MAST2: variants seen among roughly 807,000 people sequenced by gnomAD.
The protein encoded by MAST2 is microtubule-associated serine/threonine-protein kinase 2.
Under a neutral mutation model 147.4 loss-of-function variants are expected in MAST2, and 70 were observed. The observed-to-expected ratio is 0.47, with a 90% CI of 0.39 to 0.58. The LOEUF (loss-of-function observed/expected upper bound fraction) is 0.58, where lower values mean the gene tolerates loss of function less well. MAST2 is among the 20% of genes least tolerant of loss of function. The pLI is 0.00. For missense variants in MAST2, 2,080 were observed against 2,302.3 expected (o/e 0.90, Z 1.98); for synonymous variants, 869 against 896.8 (o/e 0.97, Z 0.55).
chr1:45,995,680 A>C lies in MAST2; in HGVS notation c.593-2044A>C, dbSNP rs76212823. On this transcript the variant is annotated intron_variant, in intron 5 of 28. Coordinates refer to ENST00000361297, the MANE Select transcript of MAST2 (RefSeq NM_015112.3). ...AAGTGATCGCCCTCCTCAGCCTCCC[A>C]AACTGGCATGACAGGCGTGAGCCAC... Among the ~76,000 whole-genome samples the C allele has an allele frequency of 6.7e-3, 1,014 of 152,224 alleles. 12 individuals carry two copies. The highest frequency in any genetic ancestry group is 0.024 in the African/African-American group (978 of 41,518).
chr1:45,828,280 C>A (rs532514723), intron 2 of MAST2, among the ~76,000 whole-genome samples: 1 of 152,232 alleles, frequency 6.6e-6, no homozygotes, highest in Non-Finnish European at 1.5e-5. Flanking sequence ...ATCTTTACTA[C>A]ATTGGGTATT....
At chr1:45,969,689 A>G (rs1053452553) in intron 5 of MAST2, among the ~76,000 whole-genome samples, 2 of 152,010 alleles carry the variant, frequency 1.3e-5, no homozygotes, top group African/African-American at 4.8e-5. Context: ...CAGGGCTCCC[A>G]CTGATTCTAT....
chr1:45,910,561 A>G (rs1327677700), intron 4 of MAST2, among the ~76,000 whole-genome samples: 1 of 152,252 alleles, frequency 6.6e-6, no homozygotes, highest in African/African-American at 2.4e-5. Flanking sequence ...TTAATTCTGC[A>G]AAATGTTCCT....
At chr1:45,981,166 T>C (rs1197306318) in intron 5 of MAST2, among the ~76,000 whole-genome samples, 1 of 151,640 alleles carries the variant, frequency 6.6e-6, no homozygotes, top group Non-Finnish European at 1.5e-5. Context: ...CTGCCTCCCA[T>C]GTTCAAATGA....
chr1:46,036,010 C>T lies in MAST2; in HGVS notation c.5341C>T (p.His1781Tyr). Residue 1781 changes from histidine (H) to tyrosine (Y), a missense_variant, in exon 29 of 29, where the codon CAT becomes TAT. This residue lies in a region of MAST2 where 1,278 missense variants were observed against 1,304.2 expected (regional missense o/e 0.98). Coordinates refer to ENST00000361297, the MANE Select transcript of MAST2 (RefSeq NM_015112.3). Reference sequence around the variant, plus strand: ...CAGGAGGGGCCAAGAACCAGGGGGCCATCAAAAGCATCGGGATTTGGCATT... The same window carrying T: ...CAGGAGGGGCCAAGAACCAGGGGGCTATCAAAAGCATCGGGATTTGGCATT... ...SLRRGQEPGG[H>Y]QKHRDLALVP... is the part of the protein sequence containing the mutation. 6.2e-7 allele frequency: 1 copy of T among 1,613,244 alleles called. No individual in the cohort carries two copies. The highest frequency in any genetic ancestry group is 2.2e-5 in the East Asian group (1 of 44,874).
intron 3 of MAST2, among the ~76,000 whole-genome samples, chr1:45,875,940 A>G (rs1467357068): frequency 6.6e-6 from 1 of 152,114 alleles, no homozygotes; most frequent in Non-Finnish European, 1.5e-5. Flanking sequence ...GCAGAACTAA[A>G]AGGACAGTCC....
chr1:46,034,095 C>T lies in MAST2; in HGVS notation c.3697C>T (p.Arg1233Cys), dbSNP rs200023429. 41 of 1,613,496 alleles carry T rather than the reference C, an allele frequency of 2.5e-5. No individual in the cohort carries two copies. Among genetic ancestry groups the T allele is most frequent in the East Asian group, 2.2e-5 (1 of 44,896 alleles). The change falls in exon 28 of 29, where the codon CGC (arginine) becomes TGC (cysteine). Residue 1233 changes from arginine to cysteine, a missense_variant. This residue lies in a region of MAST2 where 1,278 missense variants were observed against 1,304.2 expected (regional missense o/e 0.98). Transcript: ENST00000361297. ...QESRKRSSLF[R>C]KITKQASLLH... is the part of the protein sequence containing the mutation. Reference sequence around the variant, plus strand: ...CAGCAGAAAAAGGAGCTCCCTGTTCCGCAAGATCACCAAGCAAGCATCCCT... The same window carrying T: ...CAGCAGAAAAAGGAGCTCCCTGTTCTGCAAGATCACCAAGCAAGCATCCCT...
chr1:45,810,383 A>C (rs1373526468), intron 1 of MAST2, among the ~76,000 whole-genome samples: 1 of 152,204 alleles, frequency 6.6e-6, no homozygotes, highest in Non-Finnish European at 1.5e-5. Flanking sequence ...AAGCACACAG[A>C]AGGGAAGCTG....
At chr1:45,983,909 A>G (rs1644511358) in intron 5 of MAST2, among the ~76,000 whole-genome samples, 1 of 152,206 alleles carries the variant, frequency 6.6e-6, no homozygotes, top group Non-Finnish European at 1.5e-5. Context: ...TTGAGTGCAA[A>G]GGTAGCTACA....
At position 46,029,886 on chromosome 1, in the gene MAST2, A is replaced by ACTT; in HGVS notation, c.2379_2381dup (p.Leu794dup). 1 of 1,614,196 alleles carries ACTT rather than the reference A, an allele frequency of 6.2e-7. No individual in the cohort carries two copies. Among genetic ancestry groups the ACTT allele is most frequent in the Non-Finnish European group, 8.5e-7 (1 of 1,180,028 alleles). On this transcript the variant is annotated inframe_insertion, in exon 20 of 29. Transcript: ENST00000361297. ...TCTTTACTGGTCTGGACTGGACAGG[A>ACTT]CTTCTCCGCCAGAAGGCTGAATTTA...
chr1:46,030,952 T>C (rs1646635749), intron 22 of MAST2, 55 bp from the exon 23 acceptor site: 3 of 1,580,388 alleles, frequency 1.9e-6, no homozygotes, highest in Non-Finnish European at 2.6e-6. Context: ...TAAGGAGACC[T>C]GGCAGGAGGA....
intron 3 of MAST2, among the ~76,000 whole-genome samples, chr1:45,833,932 A>T: frequency 6.7e-6 from 1 of 149,618 alleles, no homozygotes. Context: ...TTCTCTTCCC[A>T]TTCTCCCGCC....
At chr1:45,829,409 A>C (rs1163574847) in intron 2 of MAST2, 30 bp from the exon 3 acceptor site, 2 of 1,590,052 alleles carry the variant, frequency 1.3e-6, no homozygotes, top group Non-Finnish European at 1.7e-6. Context: ...AAATAATTAC[A>C]TGTATATTTT....
intron 4 of MAST2, among the ~76,000 whole-genome samples, chr1:45,955,738 C>T (rs994964148): frequency 1.3e-5 from 2 of 152,078 alleles, no homozygotes; most frequent in African/African-American, 2.4e-5. Context: ...GCGAGGAGGC[C>T]GGTGTGGCTG....
intron 5 of MAST2, among the ~76,000 whole-genome samples, chr1:45,989,783 C>T (rs970281213): frequency 1.3e-5 from 2 of 152,108 alleles, no homozygotes; most frequent in African/African-American, 4.8e-5. Flanking sequence ...GTTTTACTGT[C>T]TCCATAGTTA....
intron 3 of MAST2, among the ~76,000 whole-genome samples, chr1:45,844,561 G>A (rs1052830644): frequency 2.6e-5 from 4 of 152,034 alleles, no homozygotes; most frequent in Non-Finnish European, 4.4e-5. Flanking sequence ...TGAGATTATA[G>A]GTGTGAGCCA....
chr1:45,834,775 C>T (rs1645054698), intron 3 of MAST2, among the ~76,000 whole-genome samples: 1 of 152,192 alleles, frequency 6.6e-6, no homozygotes, highest in Admixed American at 6.5e-5. Flanking sequence ...AGGTCAGTTC[C>T]TGCTTTGCTT....
intron 3 of MAST2, among the ~76,000 whole-genome samples, chr1:45,853,041 A>G (rs1008499043): frequency 6.6e-6 from 1 of 151,794 alleles, no homozygotes; most frequent in Non-Finnish European, 1.5e-5. Context: ...AGTGATTCTC[A>G]TACCTCATCC....
At chr1:46,015,363 T>G (rs956932090) in intron 10 of MAST2, among the ~76,000 whole-genome samples, 4 of 152,006 alleles carry the variant, frequency 2.6e-5, no homozygotes, top group African/African-American at 9.7e-5. Flanking sequence ...AAAAAACCCT[T>G]CAAAAAATTA....
Sources: allele counts gnomAD v4.1 joint callset (sites outside exome capture counted in the v4.1 genomes callset), GRCh38; gene constraint gnomAD v4.1.1; regional missense constraint gnomAD v4.1.1; transcripts MANE v1.5; gene names NCBI Gene and HGNC (gene_info 2026-07-23, HGNC 2026-07-21).